The following PTPRJ variants were observed in gnomAD, a reference collection of about 807,000 sequenced individuals.
The protein encoded by PTPRJ is protein tyrosine phosphatase receptor type J.
PTPRJ carries 129 observed loss-of-function variants against 141.3 expected under a neutral mutation model. That is an observed-to-expected ratio of 0.91 (90% CI 0.79 to 1.06). The LOEUF (loss-of-function observed/expected upper bound fraction) is 1.06. Among genes scored for constraint, PTPRJ ranks in the 50% least tolerant of loss-of-function variants. PTPRJ has a pLI of 0.00. For synonymous variants in PTPRJ, 610 were observed against 640.5 expected (o/e 0.95, Z 0.72); for missense variants, 1,601 against 1,679.7 (o/e 0.95, Z 0.82).
chr11:48,154,793 C>A (rs1012129754), intron 19 of PTPRJ, among the ~76,000 whole-genome samples: 2 of 152,164 alleles, frequency 1.3e-5, no homozygotes, highest in Admixed American at 6.5e-5. Context: ...GAGGGAAATG[C>A]TTTTAAAACT....
At chr11:48,064,378 G>A (rs1855020406) in intron 1 of PTPRJ, among the ~76,000 whole-genome samples, 1 of 152,134 alleles carries the variant, frequency 6.6e-6, no homozygotes, top group Admixed American at 6.5e-5. Context: ...GACCTTTTGT[G>A]GGGAGAGGAT....
intron 6 of PTPRJ, among the ~76,000 whole-genome samples, chr11:48,125,721 A>C (rs1856814484): frequency 6.6e-6 from 1 of 152,190 alleles, no homozygotes; most frequent in Admixed American, 6.5e-5. Context: ...AGGTGAACAC[A>C]TTTGGGAATA....
chr11:48,049,714 C>CAAA (rs397713247), intron 1 of PTPRJ, among the ~76,000 whole-genome samples: 1 of 50,614 alleles, frequency 2.0e-5, no homozygotes, highest in Non-Finnish European at 4.2e-5. Flanking sequence ...AACTCTGTCT[C>CAAA]AAAAAAAAAA....
chr11:48,149,191 G>A (rs1264344249), intron 15 of PTPRJ, among the ~76,000 whole-genome samples: 1 of 152,184 alleles, frequency 6.6e-6, no homozygotes, highest in Non-Finnish European at 1.5e-5. Flanking sequence ...GTTCTTAAAA[G>A]TGACTTGGAT....
chr11:48,164,464 T>TG lies in PTPRJ; in HGVS notation c.3807dup (p.Ile1270AspfsTer4). The stretch of plus-strand genomic sequence containing the variant: ...AGAATGAGAACACCGTGGATGTGTA[T>TG]GGGATTGTGTATGACCTTCGAATGC... On this transcript the variant is annotated frameshift_variant, in exon 24 of 25. Transcript: ENST00000418331. LOFTEE classifies it high-confidence loss of function. 1 of 1,613,704 alleles carries TG rather than the reference T, an allele frequency of 6.2e-7. No homozygotes were observed. The highest frequency in any genetic ancestry group is 8.5e-7 in the Non-Finnish European group (1 of 1,179,962).
At chr11:48,013,813 C>T (rs1328396774) in intron 1 of PTPRJ, among the ~76,000 whole-genome samples, 1 of 152,162 alleles carries the variant, frequency 6.6e-6, no homozygotes, top group Non-Finnish European at 1.5e-5. Flanking sequence ...GATCCCTCCT[C>T]CCCTACCCAC....
chr11:48,070,333 G>A (rs1004329166), intron 1 of PTPRJ, among the ~76,000 whole-genome samples: 11 of 151,998 alleles, frequency 7.2e-5, no homozygotes, highest in African/African-American at 2.7e-4. Flanking sequence ...GAAAGCCCAT[G>A]TCTACTAAAA....
At chr11:48,046,391 C>G (rs1354773671) in intron 1 of PTPRJ, 1 of 152,124 alleles carries the variant, frequency 6.6e-6, no homozygotes, top group African/African-American at 2.4e-5. Flanking sequence ...GTACAATGGG[C>G]TAATATCTCT....
Position 48,010,470 on chromosome 11 carries a change from G to A in PTPRJ, c.96+29462G>A, listed in dbSNP as rs945455833. 6.6e-5 allele frequency among the ~76,000 whole-genome samples: 10 copies of A among 151,684 alleles called. No individual in the cohort carries two copies. The East Asian group carries it at 7.8e-4, about 12-fold the overall frequency. On this transcript the variant is annotated intron_variant, in intron 1 of 24. Transcript: ENST00000418331. ...CTGGGATTACAGGGTGAACCACTGC[G>A]CGGCCCATTAGGTGCTCAGTAATTT...
chr11:48,123,883 G>A lies in PTPRJ; in HGVS notation c.874+13G>A. 4 of 1,610,830 alleles carry A rather than the reference G, an allele frequency of 2.5e-6. No homozygotes were observed. The highest frequency in any genetic ancestry group is 1.1e-5 in the South Asian group (1 of 90,906). ...GAAGGTGGCTTGGGTGAGTTACAAA[G>A]GGTACCTTCCGTCTCCCTTACTGGT... On this transcript the variant is annotated intron_variant, in intron 5 of 24. Coordinates refer to ENST00000418331, the MANE Select transcript of PTPRJ (RefSeq NM_002843.4).
At chr11:48,133,119 C>G (rs1160902242) in intron 8 of PTPRJ, among the ~76,000 whole-genome samples, 1 of 152,142 alleles carries the variant, frequency 6.6e-6, no homozygotes, top group Non-Finnish European at 1.5e-5. Flanking sequence ...AACACAACTT[C>G]ATGGAGCAGG....
At position 48,167,319 on chromosome 11, in the gene PTPRJ, C is replaced by A. The variant is rs199803858; in HGVS notation, c.3971C>A (p.Ala1324Glu). The change falls in exon 25 of 25, where the codon GCG (alanine) becomes GAG (glutamate). Residue 1324 changes from alanine (A) to glutamate (E), a missense_variant. Coordinates refer to ENST00000418331, the MANE Select transcript of PTPRJ (RefSeq NM_002843.4). ...TTAMTIYENL[A>E]PVTTFGKTNG... ...GCAATGACAATCTATGAAAACCTTG[C>A]GCCCGTGACCACATTTGGAAAGACC... is the stretch of plus-strand genomic sequence containing the variant. 5 of 1,614,054 alleles carry A rather than the reference C, an allele frequency of 3.1e-6. No homozygotes were observed. The highest frequency in any genetic ancestry group is 2.2e-5 in the South Asian group (2 of 91,076).
intron 19 of PTPRJ, 52 bp from the exon 20 acceptor site, chr11:48,155,749 T>C (rs1857583091): frequency 5.5e-6 from 8 of 1,444,850 alleles, no homozygotes; most frequent in Non-Finnish European, 7.6e-6. Flanking sequence ...TGTGTCCAAC[T>C]TTACTAAAAC....
At chr11:48,057,875 T>C (rs1044980745) in intron 1 of PTPRJ, among the ~76,000 whole-genome samples, 8 of 151,414 alleles carry the variant, frequency 5.3e-5, no homozygotes, top group Admixed American at 5.3e-4. Context: ...TTCATCCTTT[T>C]AGGTGATCAC....
chr11:48,046,667 A>G (rs1377533244), intron 1 of PTPRJ, among the ~76,000 whole-genome samples: 2 of 151,880 alleles, frequency 1.3e-5, no homozygotes, highest in Non-Finnish European at 2.9e-5. Context: ...TTAGGATTTT[A>G]GCTCATTTTA....
chr11:48,023,655 G>A (rs1314904735), intron 1 of PTPRJ, among the ~76,000 whole-genome samples: 1 of 151,914 alleles, frequency 6.6e-6, no homozygotes, highest in African/African-American at 2.4e-5. Flanking sequence ...GGTGGTGCGC[G>A]CCTGTAGTCC....
chr11:48,042,054 C>T (rs1854284589), intron 1 of PTPRJ, among the ~76,000 whole-genome samples: 2 of 152,062 alleles, frequency 1.3e-5, no homozygotes, highest in South Asian at 4.2e-4. Flanking sequence ...TGCATTTACA[C>T]GAAGGCCACG....
chr11:48,029,068 C>G (rs1012978346), intron 1 of PTPRJ, among the ~76,000 whole-genome samples: 2 of 152,186 alleles, frequency 1.3e-5, no homozygotes, highest in Non-Finnish European at 2.9e-5. Context: ...ACAACATTGG[C>G]CCTAGGCCTG....
At chr11:48,086,208 C>T (rs757420606) in intron 1 of PTPRJ, among the ~76,000 whole-genome samples, 20 of 152,268 alleles carry the variant, frequency 1.3e-4, no homozygotes, top group Middle Eastern at 3.4e-3. Flanking sequence ...GACGGAGTCT[C>T]TGTCGCCCAG....
Sources: allele counts gnomAD v4.1 joint callset (sites outside exome capture counted in the v4.1 genomes callset), GRCh38; gene constraint gnomAD v4.1.1; transcripts MANE v1.5; gene names NCBI Gene and HGNC (gene_info 2026-07-23, HGNC 2026-07-21).